Variants in SYNE1 observed in about 807,000 individuals in gnomAD.
SYNE1 encodes the protein spectrin repeat containing nuclear envelope protein 1, also known as nesprin-1.
SYNE1 carries 616 observed loss-of-function variants against 1,111.0 expected under a neutral mutation model. The ratio of observed to expected loss-of-function variants is 0.55; its 90% confidence interval spans 0.52 to 0.59. The LOEUF (loss-of-function observed/expected upper bound fraction) is 0.59, where lower values mean the gene tolerates loss of function less well. Among genes scored for constraint, SYNE1 ranks in the 20% least tolerant of loss-of-function variants. The probability of loss-of-function intolerance (pLI) is 0.00; values close to 1 mark genes in which losing one functional copy is unlikely to be tolerated. For missense variants in SYNE1, 10,006 were observed against 10,417.0 expected, an observed-to-expected ratio of 0.96 and a Z score of 1.72; for synonymous variants, 3,855 against 3,825.8, an observed-to-expected ratio of 1.01 and a Z score of -0.28.
At chr6:152,580,351 A>G (rs913631091) in intron 3 of SYNE1, among the ~76,000 whole-genome samples, 2 of 151,960 alleles carry the variant, frequency 1.3e-5, no homozygotes, top group Non-Finnish European at 2.9e-5. Context: ...CCATTTTTCA[A>G]TGGGGTTGTT....
chr6:152,513,765 A>G (rs376822577), intron 6 of SYNE1, among the ~76,000 whole-genome samples: 2 of 152,316 alleles, frequency 1.3e-5, no homozygotes, highest in South Asian at 2.1e-4. Flanking sequence ...TCTACAAGGA[A>G]CTTAAACAAA....
At chr6:152,213,910 GAAGA>G (rs986881816) in intron 122 of SYNE1, 151 bp from the exon 123 acceptor site, 8 of 979,062 alleles carry the variant, frequency 8.2e-6, no homozygotes, top group Non-Finnish European at 1.1e-5. Context: ...TTTTAAAAAA[GAAGA>G]AAGAGGCCAG....
At chr6:152,364,171 T>C (rs1255594468) in intron 63 of SYNE1, among the ~76,000 whole-genome samples, 1 of 152,192 alleles carries the variant, frequency 6.6e-6, no homozygotes, top group African/African-American at 2.4e-5. Flanking sequence ...CTTGCTGCCA[T>C]GCGAAGAAGG....
At chr6:152,376,264 C>T in intron 58 of SYNE1, 117 bp downstream of exon 58, 2 of 1,100,896 alleles carry the variant, frequency 1.8e-6, no homozygotes, top group Non-Finnish European at 2.7e-6. Flanking sequence ...CGGCCTGGTT[C>T]CTAACAGGCC....
intron 3 of SYNE1, among the ~76,000 whole-genome samples, chr6:152,619,048 A>T (rs1744386): frequency 0.024 from 804 of 33,634 alleles, 7 homozygotes; most frequent in African/African-American, 0.089. Context: ...TGTGAGAATC[A>T]CACACACACA....
chr6:152,363,026 C>T (rs369733867), intron 63 of SYNE1, among the ~76,000 whole-genome samples: 1 of 150,954 alleles, frequency 6.6e-6, no homozygotes, highest in Non-Finnish European at 1.5e-5. Flanking sequence ...GACTACATGC[C>T]CCCGCCACCA....
At chr6:152,572,959 CCTT>C (rs372508694) in intron 3 of SYNE1, among the ~76,000 whole-genome samples, 366 of 152,256 alleles carry the variant, frequency 2.4e-3, no homozygotes, top group African/African-American at 8.0e-3. Flanking sequence ...AATGTAAACA[CCTT>C]CTGGGAAGGA....
chr6:152,440,016 C>T (rs215000), intron 32 of SYNE1, among the ~76,000 whole-genome samples: 78,101 of 151,928 alleles, frequency 0.51, 22,197 homozygotes, highest in East Asian at 0.75. Flanking sequence ...TCGTTCACAT[C>T]CCCCATCTCA....
In SYNE1 at chr6:152,453,599, T is replaced by C; in HGVS notation, c.3014A>G (p.His1005Arg). 1 of 1,614,234 alleles carries C rather than the reference T, an allele frequency of 6.2e-7. No individual in the cohort carries two copies. Among genetic ancestry groups the C allele is most frequent in the Non-Finnish European group, 8.5e-7 (1 of 1,180,036 alleles). Residue 1005 changes from histidine (H) to arginine (R), a missense_variant, in exon 25 of 146, where the codon CAC becomes CGC. This residue lies in a region of SYNE1 where 1,971 missense variants were observed against 2,084.1 expected (regional missense o/e 0.95). Coordinates refer to ENST00000367255, the MANE Select transcript of SYNE1 (RefSeq NM_182961.4). ...GTCCTGACTCACCTTCCATTGTTTG[T>C]GGAGCTTTCGAACAGCTTCCTGCAG... ...QGLQEAVRKL[H>R]KQWKDLQGEA...
intron 98 of SYNE1, chr6:152,277,855 C>G (rs1020152952): frequency 1.8e-6 from 1 of 570,908 alleles, no homozygotes; most frequent in Admixed American, 2.6e-5. Flanking sequence ...TGCTTTTTGC[C>G]TCCACCACTC....
intron 124 of SYNE1, among the ~76,000 whole-genome samples, chr6:152,210,561 T>C (rs762982311): frequency 2.4e-4 from 37 of 152,190 alleles, no homozygotes; most frequent in Non-Finnish European, 4.4e-4. Context: ...CACTTAAAAC[T>C]GAAATTGCTT....
At chr6:152,195,024 G>A (rs766195763) in intron 127 of SYNE1, among the ~76,000 whole-genome samples, 8 of 152,192 alleles carry the variant, frequency 5.3e-5, no homozygotes, top group Non-Finnish European at 1.0e-4. Flanking sequence ...GGGTTCAAGC[G>A]ATTCTCAGGC....
chr6:152,571,382 T>C (rs2099456015), intron 3 of SYNE1, among the ~76,000 whole-genome samples: 1 of 152,088 alleles, frequency 6.6e-6, no homozygotes, highest in Non-Finnish European at 1.5e-5. Flanking sequence ...AAAAATTCAA[T>C]GTGCAGAAAC....
intron 74 of SYNE1, among the ~76,000 whole-genome samples, chr6:152,340,275 G>A (rs1590498340): frequency 6.6e-6 from 1 of 152,198 alleles, no homozygotes; most frequent in Non-Finnish European, 1.5e-5. Flanking sequence ...CTGGAGCAGA[G>A]TGAATCAGGT....
chr6:152,367,148 G>A (rs2097096414), intron 62 of SYNE1, 70 bp downstream of exon 62: 1 of 1,580,444 alleles, frequency 6.3e-7, no homozygotes, highest in Non-Finnish European at 8.7e-7. Context: ...ACCCCAGGTG[G>A]ATGGAGACGG....
chr6:152,629,547 G>GGGGGGGGGGT (rs2099694063), intron 2 of SYNE1, among the ~76,000 whole-genome samples: 1 of 105,510 alleles, frequency 9.5e-6, no homozygotes, highest in African/African-American at 3.5e-5. Flanking sequence ...GAGGGGGAGG[G>GGGGGGGGGGT]GAGGAGGGGG....
In SYNE1 at chr6:152,364,923, G is replaced by C; in HGVS notation, c.10069C>G (p.Pro3357Ala). 1 of 1,614,220 alleles carries C rather than the reference G, an allele frequency of 6.2e-7. No homozygotes were observed. ...VLQNTSPEGIPTIQQQLQSVK... is the reference protein window; with the variant it reads ...VLQNTSPEGIATIQQQLQSVK... ...CTCTGCAGCTGCTGCTGAATAGTGG[G>C]AATGCCTTCTGGAGAAGTATTCTGA... The change falls in exon 63 of 146, where the codon CCC (proline) becomes GCC (alanine). Residue 3357 changes from proline to alanine, a missense_variant. Pro to Ala is a conservative substitution (Grantham distance 27). Coordinates refer to ENST00000367255, the MANE Select transcript of SYNE1 (RefSeq NM_182961.4).
At position 152,502,746 on chromosome 6, in the gene SYNE1, A is replaced by C; in HGVS notation, c.779-4T>G. 6.3e-7 allele frequency: 1 copy of C among 1,590,464 alleles called. No homozygotes were observed. The highest frequency in any genetic ancestry group is 1.1e-5 in the South Asian group (1 of 90,580). ...TCTGGTTTATCCACATCAACGTCTG[A>C]AAAAACAAAAAAGAAATGTGAATAA... On this transcript the variant is annotated splice_polypyrimidine_tract_variant and splice_region_variant and intron_variant, in intron 9 of 145. Transcript: ENST00000367255.
rs2099012928 is a variant in SYNE1, at chr6:152,498,758, G to A, written c.923C>T (p.Ser308Phe). 1.3e-6 allele frequency: 2 copies of A among 1,554,994 alleles called. No individual in the cohort carries two copies. The highest frequency in any genetic ancestry group is 2.3e-5 in the East Asian group (1 of 43,542). Residue 308 changes from serine to phenylalanine, a missense_variant, in exon 11 of 146, where the codon TCT becomes TTT. This residue lies in a region of SYNE1 where 1,971 missense variants were observed against 2,084.1 expected (regional missense o/e 0.95). Coordinates refer to ENST00000367255, the MANE Select transcript of SYNE1 (RefSeq NM_182961.4). ...AAATCTTACCTTAAAATTTTGTACA[G>A]AATTTGCAAAAGATGGGAAACCTGG... is the stretch of plus-strand genomic sequence containing the variant. ...ILPGFPSFAN[S>F]VQNFKREDRV... is the part of the protein sequence containing the mutation.
Sources: allele counts gnomAD v4.1 joint callset (sites outside exome capture counted in the v4.1 genomes callset), GRCh38; gene constraint gnomAD v4.1.1; regional missense constraint gnomAD v4.1.1; transcripts MANE v1.5; gene names NCBI Gene and HGNC (gene_info 2026-07-23, HGNC 2026-07-21).